Variants in COL25A1 observed in about 807,000 individuals in gnomAD.
COL25A1 encodes collagen alpha-1(XXV) chain.
In COL25A1, 103 loss-of-function variants were observed where a neutral mutation model predicts 128.4. That is an observed-to-expected ratio of 0.80 (90% confidence interval 0.68 to 0.94). The LOEUF is 0.94. COL25A1 is among the 40% of genes least tolerant of loss of function. The pLI is 0.00. For missense variants in COL25A1, 745 were observed against 840.0 expected, an observed-to-expected ratio of 0.89 and a Z score of 1.40; for synonymous variants, 279 against 277.2, an observed-to-expected ratio of 1.01 and a Z score of -0.06.
intron 35 of COL25A1, among the ~76,000 whole-genome samples, chr4:108,823,393 G>T (rs138667057): frequency 6.6e-6 from 1 of 152,126 alleles, no homozygotes; most frequent in African/African-American, 2.4e-5. Context: ...GATAGAGAAG[G>T]ATGGAGGGAG....
intron 8 of COL25A1, among the ~76,000 whole-genome samples, chr4:108,957,592 ATGAT>A (rs985187288): frequency 2.0e-5 from 3 of 152,194 alleles, no homozygotes; most frequent in Non-Finnish European, 4.4e-5. Context: ...TGTTGAATGA[ATGAT>A]TGAATTATTT....
intron 35 of COL25A1, among the ~76,000 whole-genome samples, chr4:108,820,856 C>G (rs1298575585): frequency 6.6e-6 from 1 of 152,096 alleles, no homozygotes; most frequent in Non-Finnish European, 1.5e-5. Flanking sequence ...TGTGGGAAAT[C>G]TGCATGGATC....
intron 5 of COL25A1, among the ~76,000 whole-genome samples, chr4:109,014,353 T>C (rs1757005783): frequency 6.6e-6 from 1 of 152,020 alleles, no homozygotes; most frequent in African/African-American, 2.4e-5. Context: ...TCCCAGAATA[T>C]ATTGCATCTC....
At chr4:109,203,901 T>C (rs1424263695) in intron 3 of COL25A1, among the ~76,000 whole-genome samples, 1 of 152,190 alleles carries the variant, frequency 6.6e-6, no homozygotes, top group African/African-American at 2.4e-5. Flanking sequence ...AGTTGGGTCA[T>C]ATTGTTCTAT....
intron 5 of COL25A1, among the ~76,000 whole-genome samples, chr4:109,025,063 A>C (rs1312428694): frequency 6.6e-6 from 1 of 152,192 alleles, no homozygotes; most frequent in Non-Finnish European, 1.5e-5. Context: ...ATTTAACTGC[A>C]TTATTTTATG....
At chr4:109,188,599 C>T (rs966819473) in intron 3 of COL25A1, among the ~76,000 whole-genome samples, 8 of 152,084 alleles carry the variant, frequency 5.3e-5, no homozygotes, top group African/African-American at 1.9e-4. Context: ...AGAATGGAAT[C>T]GTACCAAAGG....
At chr4:108,997,874 C>T (rs189472464) in intron 6 of COL25A1, among the ~76,000 whole-genome samples, 66 of 152,216 alleles carry the variant, frequency 4.3e-4, no homozygotes, top group African/African-American at 1.3e-3. Flanking sequence ...TGACAAAAAC[C>T]ACATGATTAT....
At chr4:109,184,813 T>G (rs2126150943) in intron 3 of COL25A1, among the ~76,000 whole-genome samples, 1 of 152,272 alleles carries the variant, frequency 6.6e-6, no homozygotes, top group South Asian at 2.1e-4. Flanking sequence ...TCCTGCCAAG[T>G]GGCTCCCATT....
chr4:108,966,936 G>GA (rs1314234854), intron 8 of COL25A1, among the ~76,000 whole-genome samples: 13 of 118,258 alleles, frequency 1.1e-4, no homozygotes, highest in South Asian at 6.3e-4. Context: ...AAGAGAGAAA[G>GA]AAAGAGAGGA....
At chr4:108,907,143 A>G (rs1743624248) in intron 13 of COL25A1, among the ~76,000 whole-genome samples, 1 of 152,186 alleles carries the variant, frequency 6.6e-6, no homozygotes, top group Admixed American at 6.5e-5. Context: ...TGATGGACAC[A>G]GGCACAGCAT....
intron 3 of COL25A1, among the ~76,000 whole-genome samples, chr4:109,114,281 A>C (rs1420183675): frequency 6.6e-6 from 1 of 152,110 alleles, no homozygotes; most frequent in Non-Finnish European, 1.5e-5. Flanking sequence ...CAATATCGAC[A>C]TAGTTCAATA....
intron 36 of COL25A1, among the ~76,000 whole-genome samples, chr4:108,817,995 T>C (rs769696020): frequency 9.2e-5 from 14 of 152,212 alleles, no homozygotes; most frequent in Non-Finnish European, 1.9e-4. Flanking sequence ...TATATTTTTA[T>C]GATAAAATAT....
chr4:109,046,927 C>A (rs1222031638), intron 5 of COL25A1, among the ~76,000 whole-genome samples: 2 of 152,158 alleles, frequency 1.3e-5, no homozygotes, highest in Non-Finnish European at 2.9e-5. Context: ...GGGTCAGATA[C>A]AGATATCCAG....
intron 11 of COL25A1, among the ~76,000 whole-genome samples, chr4:108,931,864 T>C (rs776114272): frequency 6.6e-6 from 1 of 152,192 alleles, no homozygotes; most frequent in Non-Finnish European, 1.5e-5. Context: ...CCTGCAGGTG[T>C]GCCATTTATA....
intron 36 of COL25A1, among the ~76,000 whole-genome samples, chr4:108,818,858 C>A (rs960895177): frequency 3.7e-5 from 4 of 109,572 alleles, no homozygotes; most frequent in South Asian, 3.4e-4. Context: ...GGCAGAAATA[C>A]CTTTTTTTTT....
intron 3 of COL25A1, among the ~76,000 whole-genome samples, chr4:109,084,288 G>T (rs912047751): frequency 1.3e-5 from 2 of 152,050 alleles, no homozygotes; most frequent in Admixed American, 6.6e-5. Context: ...CCTAACTAAC[G>T]TGTTGAAAGA....
chr4:108,853,205 A>G (rs1166565124), intron 24 of COL25A1, among the ~76,000 whole-genome samples: 1 of 152,190 alleles, frequency 6.6e-6, no homozygotes, highest in East Asian at 1.9e-4. Context: ...ATAATGCAGT[A>G]AAGTCATATA....
chr4:108,936,986 A>C (rs970411240), intron 11 of COL25A1, among the ~76,000 whole-genome samples: 1 of 151,916 alleles, frequency 6.6e-6, no homozygotes, highest in African/African-American at 2.4e-5. Context: ...CATGCCAAAC[A>C]TTATGCAGGA....
chr4:108,997,720 C>A (rs939753558), intron 6 of COL25A1, among the ~76,000 whole-genome samples: 1 of 152,166 alleles, frequency 6.6e-6, no homozygotes, highest in African/African-American at 2.4e-5. Context: ...ATGCAAAAAT[C>A]TTTAATAAAA....
Sources: gnomAD v4.1 joint callset for allele counts (sites outside exome capture counted in the v4.1 genomes callset) on GRCh38, gnomAD v4.1.1 for gene constraint, MANE v1.5 for transcripts, NCBI Gene and HGNC (gene_info 2026-07-23, HGNC 2026-07-21) for gene names.